Variants in TJP1 observed in about 807,000 individuals in gnomAD.
TJP1 encodes the protein tight junction protein ZO-1.
Under a neutral mutation model 194.2 loss-of-function variants are expected in TJP1, and 43 were observed. The ratio of observed to expected loss-of-function variants is 0.22; its 90% CI spans 0.17 to 0.29. The LOEUF (loss-of-function observed/expected upper bound fraction) is 0.29, where lower values mean the gene tolerates loss of function less well. Among genes scored for constraint, TJP1 ranks in the 10% least tolerant of loss-of-function variants. The pLI, the probability that TJP1 is intolerant of heterozygous loss-of-function variation, is 1.00. For synonymous variants in TJP1, 801 were observed against 779.0 expected, an observed-to-expected ratio of 1.03 and a Z score of -0.47; for missense variants, 1,971 against 2,185.7, an observed-to-expected ratio of 0.90 and a Z score of 1.96.
intron 4 of TJP1, 91 bp from the exon 5 acceptor site, chr15:29,766,633 C>T: frequency 8.0e-7 from 1 of 1,250,932 alleles, no homozygotes; most frequent in Admixed American, 2.9e-5. Context: ...ACTTCTCATC[C>T]CATATTAACT....
intron 1 of TJP1, among the ~76,000 whole-genome samples, chr15:29,961,334 C>T (rs200588337): frequency 8.6e-4 from 77 of 89,780 alleles, no homozygotes; most frequent in Middle Eastern, 0.013. Context: ...TTTCCTAATT[C>T]TTTTTTTTTT....
chr15:29,913,592 A>C (rs181846410), intron 2 of TJP1, among the ~76,000 whole-genome samples: 4 of 152,318 alleles, frequency 2.6e-5, no homozygotes, highest in Admixed American at 2.6e-4. Context: ...AGCAGGAGTT[A>C]AGTTTGCAGT....
chr15:29,927,234 C>T (rs1228465482), intron 2 of TJP1, among the ~76,000 whole-genome samples: 1 of 151,966 alleles, frequency 6.6e-6, no homozygotes, highest in Admixed American at 6.6e-5. Flanking sequence ...GCAGGAGAAT[C>T]GTTTGAACCT....
chr15:29,884,897 C>T (rs1024430582), intron 2 of TJP1, among the ~76,000 whole-genome samples: 5 of 152,186 alleles, frequency 3.3e-5, no homozygotes, highest in African/African-American at 1.2e-4. Context: ...AGGGGCTGTT[C>T]TGGCCATGGC....
chr15:29,785,043 T>C (rs2047613441), intron 2 of TJP1, among the ~76,000 whole-genome samples: 5 of 152,138 alleles, frequency 3.3e-5, no homozygotes, highest in Non-Finnish European at 7.3e-5. Flanking sequence ...AAATGGAAAA[T>C]GTGCCATTTT....
intron 2 of TJP1, among the ~76,000 whole-genome samples, chr15:29,785,248 A>G (rs1033004038): frequency 4.6e-5 from 7 of 152,208 alleles, no homozygotes; most frequent in African/African-American, 1.7e-4. Context: ...CTGTGTTTAT[A>G]TGTCTACGCC....
chr15:29,965,489 G>A (rs943076344), intron 1 of TJP1, among the ~76,000 whole-genome samples: 9 of 152,136 alleles, frequency 5.9e-5, no homozygotes, highest in African/African-American at 2.2e-4. Context: ...TGAGATTACA[G>A]GTATGAGCCA....
At chr15:29,753,853 C>T (rs538489989) in intron 8 of TJP1, among the ~76,000 whole-genome samples, 3 of 151,418 alleles carry the variant, frequency 2.0e-5, no homozygotes, top group South Asian at 4.2e-4. Context: ...GGTAAAGGAC[C>T]TCATGGTGAG....
chr15:29,788,640 C>A (rs1171724727), intron 2 of TJP1, among the ~76,000 whole-genome samples: 2 of 152,154 alleles, frequency 1.3e-5, no homozygotes, highest in Non-Finnish European at 2.9e-5. Context: ...TAAACACTCA[C>A]TGGCTCACCC....
chr15:29,806,872 T>C (rs989767367), intron 1 of TJP1, among the ~76,000 whole-genome samples: 3 of 151,626 alleles, frequency 2.0e-5, no homozygotes, highest in African/African-American at 7.3e-5. Flanking sequence ...ATTCCCAAAA[T>C]AGAAATGTCC....
At chr15:29,937,024 A>T (rs535083592) in intron 2 of TJP1, among the ~76,000 whole-genome samples, 1 of 152,334 alleles carries the variant, frequency 6.6e-6, no homozygotes, top group Non-Finnish European at 1.5e-5. Context: ...ATTTTAAGTT[A>T]TGGTGAAGTG....
Position 29,822,448 on chromosome 15 carries a change from CGCCG to C in TJP1, c.-424_-421del. The C allele has an allele frequency of 1.0e-6, 1 of 986,804 alleles. No individual in the cohort carries two copies. The highest frequency in any genetic ancestry group is 1.2e-6 in the Non-Finnish European group (1 of 831,024). 61.1% of individuals were successfully genotyped at this position (986,804 alleles called of 1,614,324 possible). A position where few individuals can be genotyped will look rare whatever the true frequency, so the allele number is the denominator to read the frequency against. ...ACGCGGCGTCCGCTGGCTCAGCCGG[CGCCG>C]GCAACTCAGCGGCCACGCAAACCTG... On this transcript the variant is annotated 5_prime_UTR_variant, in exon 1 of 28. Coordinates refer to ENST00000614355, the MANE Select transcript of TJP1 (RefSeq NM_001330239.4).
At chr15:29,868,769 G>T (rs2052393522) in intron 2 of TJP1, among the ~76,000 whole-genome samples, 1 of 152,122 alleles carries the variant, frequency 6.6e-6, no homozygotes, top group African/African-American at 2.4e-5. Flanking sequence ...GAAAGATTTT[G>T]CTACTGCTAA....
intron 8 of TJP1, among the ~76,000 whole-genome samples, chr15:29,751,115 T>A (rs2045248027): frequency 6.6e-6 from 1 of 152,226 alleles, no homozygotes; most frequent in Admixed American, 6.5e-5. Context: ...TCACAACGAT[T>A]AAAAAATGGT....
At chr15:29,836,175 C>T (rs1209910874) in intron 2 of TJP1, among the ~76,000 whole-genome samples, 1 of 152,110 alleles carries the variant, frequency 6.6e-6, no homozygotes, top group African/African-American at 2.4e-5. Context: ...CTATCCTCAC[C>T]TCAAAGGAAA....
intron 2 of TJP1, among the ~76,000 whole-genome samples, chr15:29,794,965 T>C (rs531627097): frequency 8.5e-5 from 13 of 152,292 alleles, no homozygotes; most frequent in Admixed American, 4.6e-4. Flanking sequence ...GTCAAACCTC[T>C]AGCCAGACTG....
At position 29,822,209 on chromosome 15, in the gene TJP1, A is replaced by G; in HGVS notation, c.-181T>C. ...ATTCAACTCGGACAAAAGTCCGGGA[A>G]GCGCCCGCCCCGCCCGGGTCTTCTC... is the stretch of plus-strand genomic sequence containing the variant. On this transcript the variant is annotated 5_prime_UTR_variant, in exon 1 of 28. Transcript: ENST00000614355. 8 of 1,176,538 alleles carry G rather than the reference A, an allele frequency of 6.8e-6. No individual in the cohort carries two copies. The highest frequency in any genetic ancestry group is 7.3e-6 in the Non-Finnish European group (7 of 952,704). 72.9% of individuals were successfully genotyped at this position (1,176,538 alleles called of 1,614,324 possible).
chr15:29,801,065 T>TA (rs1392750798), intron 1 of TJP1, among the ~76,000 whole-genome samples: 2 of 152,234 alleles, frequency 1.3e-5, no homozygotes, highest in Admixed American at 1.3e-4. Flanking sequence ...AAGCATCTCT[T>TA]ATGTTTTACA....
intron 16 of TJP1, 88 bp from the exon 17 acceptor site, chr15:29,727,079 T>C: frequency 8.4e-7 from 1 of 1,189,300 alleles, no homozygotes; most frequent in Non-Finnish European, 1.2e-6. Context: ...TGGCTCACGC[T>C]ACGCCTATAA....
Sources: allele counts gnomAD v4.1 joint callset (sites outside exome capture counted in the v4.1 genomes callset), GRCh38; gene constraint gnomAD v4.1.1; transcripts MANE v1.5; gene names NCBI Gene and HGNC (gene_info 2026-07-23, HGNC 2026-07-21).